PNCK: variants seen among roughly 807,000 people sequenced by gnomAD.
PNCK encodes calcium/calmodulin-dependent protein kinase type 1B.
PNCK carries 21 observed loss-of-function variants against 28.3 expected under a neutral mutation model. That is an observed-to-expected ratio of 0.74 (90% confidence interval 0.53 to 1.07). The LOEUF (loss-of-function observed/expected upper bound fraction) is 1.07. Ranked by LOEUF, PNCK falls within the 50% of genes least tolerant of loss-of-function variation. The probability of loss-of-function intolerance (pLI) is 0.00; values close to 1 mark genes in which losing one functional copy is unlikely to be tolerated. For missense variants in PNCK, 250 were observed against 298.3 expected (o/e 0.84, Z 1.19); for synonymous variants, 136 against 125.2 (o/e 1.09, Z -0.58).
chrX:153,671,867 C>A lies in PNCK; in HGVS notation c.414+13G>T, dbSNP rs1353701785. The A allele has an allele frequency of 8.3e-7, 1 of 1,203,997 alleles. No individual in the cohort carries two copies. Among genetic ancestry groups the A allele is most frequent in the East Asian group, 3.0e-5 (1 of 33,593 alleles). On this transcript the variant is annotated intron_variant, in intron 5 of 11. Coordinates refer to ENST00000340888, the MANE Select transcript of PNCK (RefSeq NM_001366977.1). ...AGGTGGGAGGGTGGGGTGCAGAGGC[C>A]CCAGCCAGGCACCTTGAGGTCCCGG...
Position 153,670,755 on chromosome X carries a change from T to A in PNCK, c.883A>T (p.Thr295Ser). 1 of 1,209,187 alleles carries A rather than the reference T, an allele frequency of 8.3e-7. No individual in the cohort carries two copies. Among genetic ancestry groups the A allele is most frequent in the East Asian group, 3.0e-5 (1 of 33,776 alleles). ...SEQIRKNFAR[T>S]HWKRAFNATS... ...CTCTCCACACTGACCTTCCAGTGTG[T>A]CCGAGCAAAGTTCTTCCGGATCTGC... Residue 295 changes from threonine to serine, a missense_variant, in exon 10 of 12, where the codon ACA becomes TCA. Transcript: ENST00000340888.
At chrX:153,674,426 C>G, upstream of PNCK, 2 of 300,406 alleles carry the variant, frequency 6.7e-6, no homozygotes, top group Non-Finnish European at 1.2e-5. Flanking sequence ...ACCTCTTCCC[C>G]GGCCACACTG....
rs782165792 is a variant in PNCK, at chrX:153,669,808, C to A, written c.*330G>T. 3 of 342,839 alleles carry A rather than the reference C, an allele frequency of 8.8e-6. No homozygotes were observed. The highest frequency in any genetic ancestry group is 7.8e-5 in the South Asian group (3 of 38,597). 28.3% of individuals were successfully genotyped at this position (342,839 alleles called of 1,213,427 possible). ...GCCATGACCATGACACAAGCAGGAC[C>A]ACCCACACTCAGCGAAGCACACAAC... On this transcript the variant is annotated 3_prime_UTR_variant, in exon 12 of 12. Transcript: ENST00000340888.
chrX:153,686,137 ACCTCGCCCTCTG>A (rs200870517), intron 1 of PNCK, among the ~76,000 whole-genome samples: 1,167 of 111,003 alleles, frequency 0.011, 15 homozygotes, highest in African/African-American at 0.037. Context: ...CAGCCTGGCC[ACCTCGCCCTCTG>A]CCTCGGCCTC....
chrX:153,686,708 G>A (rs1171868250), intron 1 of PNCK: 1 of 111,846 alleles, frequency 8.9e-6, no homozygotes, highest in Non-Finnish European at 1.9e-5. Context: ...CTGATGAGCA[G>A]TGTGACCTTG....
chrX:153,670,355 C>A (rs2091278027), intron 11 of PNCK, 95 bp downstream of exon 11: 1 of 1,127,608 alleles, frequency 8.9e-7, no homozygotes, highest in Non-Finnish European at 1.2e-6. Flanking sequence ...CCTGTGGGGG[C>A]CACCCCACTT....
At chrX:153,671,237 C>T (rs1557039694) in intron 7 of PNCK, 47 bp from the exon 8 acceptor site, 1 of 1,207,501 alleles carries the variant, frequency 8.3e-7, no homozygotes. Context: ...CTCCCCAACC[C>T]AGCAGGGGCA....
chrX:153,670,859 G>T (rs782370408), intron 9 of PNCK, 28 bp from the exon 10 acceptor site: 4 of 1,210,083 alleles, frequency 3.3e-6, no homozygotes, highest in Admixed American at 4.3e-5. Context: ...GTCAGGGGGG[G>T]TCTCTCTGCA....
chrX:153,675,515 GT>G (rs11364654), upstream of PNCK, among the ~76,000 whole-genome samples: 6,505 of 110,211 alleles, frequency 0.059, 507 homozygotes, highest in African/African-American at 0.21. Flanking sequence ...GTATCATGGG[GT>G]TTTTTTTGGT....
In PNCK at chrX:153,672,569, C is replaced by G; in HGVS notation, c.197G>C (p.Arg66Pro). ...CAGGGCCCCGCGAGGTGCGCACCTA[C>G]GGAGCACTGCGATCTCGTTCTCCAC... ...ALVENEIAVLRRISHPNIVAL... is the reference protein window; with the variant it reads ...ALVENEIAVLPRISHPNIVAL... Residue 66 changes from arginine (R) to proline (P), a missense_variant, in exon 3 of 12, where the codon CGT (arginine) becomes CCT (proline). Coordinates refer to ENST00000340888, the MANE Select transcript of PNCK (RefSeq NM_001366977.1). The G allele has an allele frequency of 8.3e-7, 1 of 1,205,851 alleles. No individual in the cohort carries two copies. Among genetic ancestry groups the G allele is most frequent in the Non-Finnish European group, 1.1e-6 (1 of 895,052 alleles).
upstream of PNCK, chrX:153,687,665 G>A: frequency 3.3e-6 from 1 of 299,395 alleles, no homozygotes; most frequent in South Asian, 2.9e-5. Flanking sequence ...CTAGGAGCCG[G>A]CGACCCTGGG....
At chrX:153,677,916 A>G (rs2148348872), upstream of PNCK, among the ~76,000 whole-genome samples, 1 of 106,301 alleles carries the variant, frequency 9.4e-6, no homozygotes, top group East Asian at 2.9e-4. Context: ...TATAGTGTAT[A>G]TATATACACT....
upstream of PNCK, among the ~76,000 whole-genome samples, chrX:153,679,877 C>A (rs1557042265): frequency 9.1e-6 from 1 of 109,947 alleles, no homozygotes. Flanking sequence ...TTGCCAAGAC[C>A]CCATCTTCTT....
At chrX:153,687,622 C>T (rs1287563432), upstream of PNCK, 3 of 307,203 alleles carry the variant, frequency 9.8e-6, no homozygotes, top group African/African-American at 8.6e-5. Flanking sequence ...CTTCCCAGGG[C>T]TGGGAGGGGC....
At chrX:153,673,855 G>T (rs1296415269), upstream of PNCK, 7 of 758,391 alleles carry the variant, frequency 9.2e-6, no homozygotes, top group Non-Finnish European at 1.1e-5. Flanking sequence ...CGCCGGCCCC[G>T]CCCCCTCCGC....
At chrX:153,673,482 C>T (rs2091339288) in intron 1 of PNCK, 3 of 451,274 alleles carry the variant, frequency 6.6e-6, no homozygotes, top group Admixed American at 1.1e-4. Flanking sequence ...CCACAGGCAC[C>T]CGCTGCCCAA....
At chrX:153,679,566 CT>C (rs1211891003), upstream of PNCK, among the ~76,000 whole-genome samples, 405 of 46,066 alleles carry the variant, frequency 8.8e-3, 4 homozygotes, top group African/African-American at 0.032. Flanking sequence ...CTTTTCTTTT[CT>C]TTTTTTTTTT....
At chrX:153,678,613 G>A (rs1603207890), upstream of PNCK, among the ~76,000 whole-genome samples, 2 of 111,776 alleles carry the variant, frequency 1.8e-5, no homozygotes, top group Admixed American at 9.5e-5. Context: ...AGAGTGCGGC[G>A]CTTATGTGTT....
intron 1 of PNCK, 187 bp from the exon 2 acceptor site, chrX:153,673,265 C>T (rs1436091533): frequency 7.5e-6 from 9 of 1,200,513 alleles, no homozygotes; most frequent in Non-Finnish European, 1.0e-5. Flanking sequence ...ATACACGCCT[C>T]CACATCCCAG....
Sources: allele counts gnomAD v4.1 joint callset (sites outside exome capture counted in the v4.1 genomes callset), GRCh38; gene constraint gnomAD v4.1.1; transcripts MANE v1.5; gene names NCBI Gene and HGNC (gene_info 2026-07-23, HGNC 2026-07-21).